ETNK2: variants seen among roughly 807,000 people sequenced by gnomAD.
ETNK2 encodes the protein ethanolamine kinase 2.
Under a neutral mutation model 46.2 loss-of-function variants are expected in ETNK2, and 33 were observed. The observed-to-expected ratio is 0.71, with a 90% CI of 0.54 to 0.96. The LOEUF (loss-of-function observed/expected upper bound fraction) is 0.96. Ranked by LOEUF, ETNK2 falls within the 40% of genes least tolerant of loss-of-function variation. ETNK2 has a pLI of 0.00. For missense variants in ETNK2, 445 were observed against 509.7 expected, an observed-to-expected ratio of 0.87 and a Z score of 1.22; for synonymous variants, 194 against 209.0, an observed-to-expected ratio of 0.93 and a Z score of 0.62.
In ETNK2 at chr1:204,141,443, A is replaced by T. The variant is rs1169562998; in HGVS notation, c.656T>A (p.Val219Asp). 1.3e-6 allele frequency: 2 copies of T among 1,596,678 alleles called. No homozygotes were observed. The highest frequency in any genetic ancestry group is 2.3e-5 in the East Asian group (1 of 44,258). The part of the protein sequence containing the change: ...NEINPSLSAD[V>D]PKVEVLEREL... ...CCGTTCCAACACCTCTACCTTAGGG[A>T]CATCTGCAGAAAGGCTGGGCAGTGG... Residue 219 changes from valine to aspartate, a missense_variant, in exon 4 of 8, where the codon GTC (valine) becomes GAC (aspartate). Val to Asp is a radical substitution (Grantham distance 152, BLOSUM62 -3). Transcript: ENST00000367202.
At chr1:204,145,117 A>T (rs1657730456) in intron 3 of ETNK2, among the ~76,000 whole-genome samples, 1 of 152,154 alleles carries the variant, frequency 6.6e-6, no homozygotes. Context: ...ATTGCTCATC[A>T]TTGTTCTGCT....
intron 3 of ETNK2, among the ~76,000 whole-genome samples, chr1:204,145,060 G>A (rs192623691): frequency 6.6e-6 from 1 of 152,308 alleles, no homozygotes; most frequent in East Asian, 1.9e-4. Context: ...ATAATTCAGG[G>A]TTATTAGGCA....
chr1:204,132,050 CAG>C lies in ETNK2; in HGVS notation c.*132_*133del. ...AACCACTGGGGTCTGGCGGCAGGGACAGAGCCTTCTCCCTGGACACCCATGTG... is the reference window on the plus strand; with the variant it reads ...AACCACTGGGGTCTGGCGGCAGGGACAGCCTTCTCCCTGGACACCCATGTG... On this transcript the variant is annotated 3_prime_UTR_variant, in exon 8 of 8. Coordinates refer to ENST00000367202, the MANE Select transcript of ETNK2 (RefSeq NM_018208.4). 1.3e-6 allele frequency: 1 copy of C among 743,588 alleles called. No individual in the cohort carries two copies. The allele number at this position is 743,588 out of a possible 1,614,324, so 46.1% of individuals were successfully genotyped here.
intron 2 of ETNK2, 71 bp downstream of exon 2, chr1:204,149,632 C>A (rs1041462733): frequency 1.3e-6 from 2 of 1,495,946 alleles, no homozygotes; most frequent in African/African-American, 1.4e-5. Context: ...ACCATGGACC[C>A]CACATGCCAA....
chr1:204,146,996 G>C, intron 2 of ETNK2: 1 of 652,816 alleles, frequency 1.5e-6, no homozygotes, highest in Non-Finnish European at 2.9e-6. Context: ...TCCAGTGCCA[G>C]GCTGGGGCTG....
At chr1:204,134,632 C>A (rs1657210955) in intron 6 of ETNK2, 44 bp from the exon 7 acceptor site, 1 of 1,613,878 alleles carries the variant, frequency 6.2e-7, no homozygotes, top group Non-Finnish European at 8.5e-7. Flanking sequence ...TCTCCCCATG[C>A]CTGTTTCCGA....
In ETNK2 at chr1:204,137,176, C is replaced by T. The variant is rs776441116; in HGVS notation, c.942G>A (p.Gln314=). 3.7e-6 allele frequency: 6 copies of T among 1,613,894 alleles called. No homozygotes were observed. Among genetic ancestry groups the T allele is most frequent in the African/African-American group, 1.3e-5 (1 of 74,940 alleles). ...GGGTCACGGCCATCCCCTTTTGTGC[C>T]TGCAGGTAGTAGTGCAGCCACTGCA... ...TQLQWLHYYL[Q]AQKGMAVTPR... Residue 314 remains glutamine, a synonymous_variant, in exon 6 of 8, where the codon CAG becomes CAA. Transcript: ENST00000367202.
Position 204,151,706 on chromosome 1 carries a change from G to C in ETNK2, c.147C>G (p.Ala49=). 1 of 1,545,656 alleles carries C rather than the reference G, an allele frequency of 6.5e-7. No homozygotes were observed. Among genetic ancestry groups the C allele is most frequent in the Non-Finnish European group, 8.7e-7 (1 of 1,144,846 alleles). Residue 49 remains alanine, a synonymous_variant, in exon 1 of 8, where the codon GCC becomes GCG. Transcript: ENST00000367202. This position sits in a 1 kb window ranked among gnomAD's most constrained non-coding sequence, Gnocchi z 8.0. ...CREPPGPPRA[A]AVAYFGISVD... ...CGGAAATGCCGAAGTACGCGACGGC[G>C]GCGGCCCTCGGGGGGCCCGGCGGCT...
At position 204,141,355 on chromosome 1, in the gene ETNK2, A is replaced by C; in HGVS notation, c.744T>G (p.Asn248Lys). ...QLESPVVFCH[N>K]DLLCKNIIYD... ...AGATGATATTCTTGCAGAGCAGGTC[A>C]TTGTGACAAAACACCACAGGGGACT... Residue 248 changes from asparagine to lysine, a missense_variant, in exon 4 of 8, where the codon AAT becomes AAG. Coordinates refer to ENST00000367202, the MANE Select transcript of ETNK2 (RefSeq NM_018208.4). The C allele has an allele frequency of 3.7e-6, 6 of 1,614,034 alleles. No individual in the cohort carries two copies. Among genetic ancestry groups the C allele is most frequent in the Non-Finnish European group, 5.1e-6 (6 of 1,179,896 alleles).
intron 1 of ETNK2, 103 bp from the exon 2 acceptor site, chr1:204,150,065 G>A: frequency 7.6e-7 from 1 of 1,317,292 alleles, no homozygotes; most frequent in Non-Finnish European, 1.0e-6. Flanking sequence ...TCATTTGAAT[G>A]CCGAGCACAA....
chr1:204,146,247 A>C (rs914208635), intron 3 of ETNK2, among the ~76,000 whole-genome samples: 2 of 152,152 alleles, frequency 1.3e-5, no homozygotes, highest in Non-Finnish European at 1.5e-5. Flanking sequence ...ATGGTTCAGA[A>C]GGTGGGGCAG....
intron 3 of ETNK2, among the ~76,000 whole-genome samples, chr1:204,145,991 T>C (rs1657764242): frequency 1.3e-5 from 2 of 152,124 alleles, no homozygotes; most frequent in South Asian, 4.1e-4. Context: ...AACCCTGTCT[T>C]ATCAGGGAAA....
Position 204,149,756 on chromosome 1 carries a change from GT to G in ETNK2, c.464del (p.Tyr155SerfsTer20). On this transcript the variant is annotated frameshift_variant, in exon 2 of 8. Coordinates refer to ENST00000367202, the MANE Select transcript of ETNK2 (RefSeq NM_018208.4). LOFTEE classifies it high-confidence loss of function. ...CTFQNGLCYE[Y>X]MQGVALEPEH... ...CAGGCTCCAGGGCCACACCCTGCAT[GT>G]ACTCATAGCACAGCCCATTCTGGAA... 1 of 1,604,910 alleles carries G rather than the reference GT, an allele frequency of 6.2e-7. No homozygotes were observed.
chr1:204,148,656 T>C (rs796690492), intron 2 of ETNK2, among the ~76,000 whole-genome samples: 32 of 152,066 alleles, frequency 2.1e-4, no homozygotes, highest in African/African-American at 7.2e-4. Flanking sequence ...CAGCCGCTTA[T>C]GAGCATGGGG....
intron 5 of ETNK2, among the ~76,000 whole-genome samples, chr1:204,137,996 G>A (rs867829031): frequency 2.6e-5 from 4 of 152,124 alleles, no homozygotes; most frequent in African/African-American, 7.2e-5. Context: ...GGAGGACCAG[G>A]ACTGGGCCAC....
intron 3 of ETNK2, among the ~76,000 whole-genome samples, chr1:204,143,447 G>C (rs886777989): frequency 2.1e-5 from 3 of 146,224 alleles, no homozygotes; most frequent in Non-Finnish European, 4.5e-5. Flanking sequence ...CTCCCTCCCT[G>C]CTCTGCTTCC....
At position 204,151,712 on chromosome 1, in the gene ETNK2, C is replaced by T; in HGVS notation, c.141G>A (p.Arg47=). The change falls in exon 1 of 8, where the codon AGG becomes AGA. Residue 47 remains arginine (R), a synonymous_variant. Transcript: ENST00000367202. The surrounding 1 kb of genome is among the most constrained non-coding windows in gnomAD (Gnocchi z 8.0). ...TGCCGAAGTACGCGACGGCGGCGGCCCTCGGGGGGCCCGGCGGCTCCCGGC... is the reference window on the plus strand; with the variant it reads ...TGCCGAAGTACGCGACGGCGGCGGCTCTCGGGGGGCCCGGCGGCTCCCGGC... The part of the protein sequence containing the change: ...ASCREPPGPP[R]AAAVAYFGIS... 6.5e-7 allele frequency: 1 copy of T among 1,542,858 alleles called. No homozygotes were observed. The highest frequency in any genetic ancestry group is 8.7e-7 in the Non-Finnish European group (1 of 1,144,086).
At position 204,139,658 on chromosome 1, in the gene ETNK2, A is replaced by C. The variant is rs190790612; in HGVS notation, c.868+377T>G. On this transcript the variant is annotated intron_variant, in intron 5 of 7. Transcript: ENST00000367202. ...AAGAGGGTGCTTTGAACGTTGGTCA[A>C]ATATAGTCCTGTATTGCCTAATGAC... 1.2e-4 allele frequency among the ~76,000 whole-genome samples: 19 copies of C among 152,298 alleles called. No individual in the cohort carries two copies. In the East Asian group the frequency reaches 3.7e-3, roughly 29 times the overall value.
At chr1:204,143,428 C>G (rs148978352) in intron 3 of ETNK2, among the ~76,000 whole-genome samples, 1 of 145,748 alleles carries the variant, frequency 6.9e-6, no homozygotes, top group Non-Finnish European at 1.5e-5. Flanking sequence ...CCTTCTATCT[C>G]CCCGGGGCCT....
Sources: allele counts gnomAD v4.1 joint callset (sites outside exome capture counted in the v4.1 genomes callset), GRCh38; gene constraint gnomAD v4.1.1; non-coding constraint Gnocchi (gnomAD v3.1); transcripts MANE v1.5; gene names NCBI Gene and HGNC (gene_info 2026-07-23, HGNC 2026-07-21).